The following TRAF3IP1 variants were observed in gnomAD, a reference collection of about 807,000 sequenced individuals.
TRAF3IP1 encodes the protein TRAF3-interacting protein 1.
In TRAF3IP1, 53 loss-of-function variants were observed where a neutral mutation model predicts 89.9. The ratio of observed to expected loss-of-function variants is 0.59; its 90% confidence interval spans 0.47 to 0.74. TRAF3IP1 has a LOEUF of 0.74. Ranked by LOEUF, TRAF3IP1 falls within the 30% of genes least tolerant of loss-of-function variation. The pLI is 0.00. For missense variants in TRAF3IP1, 806 were observed against 866.1 expected (o/e 0.93, Z 0.87); for synonymous variants, 311 against 322.1 (o/e 0.97, Z 0.37).
At chr2:238,392,672 G>T (rs1003144429) in intron 15 of TRAF3IP1, among the ~76,000 whole-genome samples, 2 of 152,134 alleles carry the variant, frequency 1.3e-5, no homozygotes, top group African/African-American at 2.4e-5. Context: ...CCCCACCCGG[G>T]TTCAAGGGAT....
intron 15 of TRAF3IP1, among the ~76,000 whole-genome samples, chr2:238,367,530 G>T (rs1381457542): frequency 6.6e-6 from 1 of 152,212 alleles, no homozygotes; most frequent in Non-Finnish European, 1.5e-5. Flanking sequence ...GCTCAGCATG[G>T]GCTGGGGTCC....
chr2:238,336,593 C>T (rs1698399166), intron 7 of TRAF3IP1, among the ~76,000 whole-genome samples: 1 of 151,922 alleles, frequency 6.6e-6, no homozygotes, highest in South Asian at 2.1e-4. Flanking sequence ...AGCATTCTGC[C>T]TGAGAATATT....
chr2:238,398,474 G>A (rs543457009), intron 16 of TRAF3IP1, among the ~76,000 whole-genome samples: 150 of 151,572 alleles, frequency 9.9e-4, no homozygotes, highest in African/African-American at 3.5e-3. Flanking sequence ...CAAAGTCAAT[G>A]GGGACTTTGC....
intron 15 of TRAF3IP1, among the ~76,000 whole-genome samples, chr2:238,371,267 G>C (rs1043745949): frequency 6.6e-6 from 1 of 152,154 alleles, no homozygotes; most frequent in Non-Finnish European, 1.5e-5. Flanking sequence ...TTGAGATCAG[G>C]TGTTTTTTTC....
intron 15 of TRAF3IP1, among the ~76,000 whole-genome samples, chr2:238,360,006 T>C (rs1699590308): frequency 6.6e-6 from 1 of 152,200 alleles, no homozygotes; most frequent in African/African-American, 2.4e-5. Context: ...ACTGGGATAC[T>C]GCCACAGTCT....
chr2:238,363,452 T>G (rs1413970777), intron 15 of TRAF3IP1, among the ~76,000 whole-genome samples: 1 of 152,214 alleles, frequency 6.6e-6, no homozygotes, highest in Non-Finnish European at 1.5e-5. Flanking sequence ...GGATTCTTTT[T>G]TTAGTTTTTT....
intron 15 of TRAF3IP1, among the ~76,000 whole-genome samples, chr2:238,394,592 G>C (rs1457724608): frequency 6.6e-6 from 1 of 152,160 alleles, no homozygotes; most frequent in Admixed American, 6.5e-5. Context: ...TGTTTTCATT[G>C]CTCATACATA....
At chr2:238,338,944 G>A (rs965807307) in intron 8 of TRAF3IP1, among the ~76,000 whole-genome samples, 1 of 152,188 alleles carries the variant, frequency 6.6e-6, no homozygotes, top group Non-Finnish European at 1.5e-5. Context: ...TGCCTCAGAG[G>A]GGGTGGTCCT....
At chr2:238,347,667 G>A (rs1698956487) in intron 10 of TRAF3IP1, among the ~76,000 whole-genome samples, 192 bp downstream of exon 10, 1 of 151,900 alleles carries the variant, frequency 6.6e-6, no homozygotes, top group Non-Finnish European at 1.5e-5. Flanking sequence ...CACTCTTGTT[G>A]CCCAGGCTGG....
Position 238,340,860 on chromosome 2 carries a change from CAGAGAG to C in TRAF3IP1, c.1159+2405_1159+2410del. On this transcript the variant is annotated intron_variant, in intron 8 of 16. Coordinates refer to ENST00000373327, the MANE Select transcript of TRAF3IP1 (RefSeq NM_015650.4). ...ATATATATATATAGAGAGAGAGAGA[CAGAGAG>C]ACAGAGACAGAGACAGAGTCTCACT... is the stretch of plus-strand genomic sequence containing the variant. Among the ~76,000 whole-genome samples the C allele has an allele frequency of 1.4e-5, 2 of 143,898 alleles. 1 individual carries two copies. Among genetic ancestry groups the C allele is most frequent in the South Asian group, 4.4e-4 (2 of 4,506 alleles). 94.4% of individuals were successfully genotyped at this position (143,898 alleles called of 152,430 possible).
chr2:238,347,998 T>G (rs933497807), intron 10 of TRAF3IP1, among the ~76,000 whole-genome samples: 2 of 152,228 alleles, frequency 1.3e-5, no homozygotes, highest in African/African-American at 4.8e-5. Context: ...CAGGATTTTT[T>G]TCCAGAATAT....
At position 238,328,744 on chromosome 2, in the gene TRAF3IP1, G is replaced by GC. The variant is rs1559355324; in HGVS notation, c.415dup (p.Arg139ProfsTer13). The GC allele has an allele frequency of 6.2e-7, 1 of 1,614,020 alleles. No homozygotes were observed. ...GCTGGAGAGAAGGGAGAAGTGAAAG[G>GC]CCGGGCCTCACTGACCTCAAGATCT... On this transcript the variant is annotated frameshift_variant, in exon 4 of 17. Coordinates refer to ENST00000373327, the MANE Select transcript of TRAF3IP1 (RefSeq NM_015650.4). LOFTEE classifies it high-confidence loss of function.
At chr2:238,392,266 C>A (rs1202438260) in intron 15 of TRAF3IP1, among the ~76,000 whole-genome samples, 1 of 152,152 alleles carries the variant, frequency 6.6e-6, no homozygotes, top group Non-Finnish European at 1.5e-5. Flanking sequence ...CACTTTCCCC[C>A]AGTGATAACA....
At chr2:238,360,153 G>A (rs1230153091) in intron 15 of TRAF3IP1, among the ~76,000 whole-genome samples, 1 of 152,150 alleles carries the variant, frequency 6.6e-6, no homozygotes, top group Non-Finnish European at 1.5e-5. Flanking sequence ...ACTCAGAATG[G>A]CATGCAATTG....
chr2:238,387,444 A>G (rs1700818699), intron 15 of TRAF3IP1, among the ~76,000 whole-genome samples: 2 of 152,240 alleles, frequency 1.3e-5, no homozygotes, highest in African/African-American at 4.8e-5. Context: ...AGCTTCCTTT[A>G]TAGCCTAGAA....
chr2:238,388,633 T>C (rs999351725), intron 15 of TRAF3IP1, among the ~76,000 whole-genome samples: 2 of 142,502 alleles, frequency 1.4e-5, no homozygotes, highest in African/African-American at 5.2e-5. Context: ...AGTCCTGCTC[T>C]GTTGCCCAGG....
In TRAF3IP1 at chr2:238,334,023, A is replaced by G; in HGVS notation, c.1051A>G (p.Asn351Asp). The G allele has an allele frequency of 6.2e-7, 1 of 1,610,384 alleles. No individual in the cohort carries two copies. Among genetic ancestry groups the G allele is most frequent in the Non-Finnish European group, 8.5e-7 (1 of 1,177,976 alleles). ...TTKTSKRRSK[N>D]SVEGRKEDNI... ...AAAAACATCAAAACGGCGATCCAAA[A>G]ATTCAGTGGAAGGTACTGCAAAACT... The change falls in exon 7 of 17, where the codon AAT (asparagine) becomes GAT (aspartate). Residue 351 changes from asparagine (N) to aspartate (D), a missense_variant. By Grantham distance (23) the Asn-to-Asp change is conservative. Transcript: ENST00000373327.
chr2:238,353,077 T>C, intron 13 of TRAF3IP1, 96 bp from the exon 14 acceptor site: 1 of 1,565,218 alleles, frequency 6.4e-7, no homozygotes, highest in South Asian at 1.2e-5. Flanking sequence ...TCTACCTTCG[T>C]TAATTTTGTT....
At position 238,325,756 on chromosome 2, in the gene TRAF3IP1, T is replaced by C. The variant is rs1046578650; in HGVS notation, c.193-53T>C. 4.6e-6 allele frequency: 7 copies of C among 1,536,246 alleles called. No individual in the cohort carries two copies. In the South Asian group the frequency reaches 5.9e-5, roughly 13 times the overall value. ...TGCCTGGTAAACATACAGAAGATAA[T>C]GCACACTCTTCAAAGTATTGTAATA... On this transcript the variant is annotated intron_variant, in intron 2 of 16. Coordinates refer to ENST00000373327, the MANE Select transcript of TRAF3IP1 (RefSeq NM_015650.4).
Sources: allele counts gnomAD v4.1 joint callset (sites outside exome capture counted in the v4.1 genomes callset), GRCh38; gene constraint gnomAD v4.1.1; transcripts MANE v1.5; gene names NCBI Gene and HGNC (gene_info 2026-07-23, HGNC 2026-07-21).